Variants in TRMT11 observed in about 807,000 individuals in gnomAD.
TRMT11 encodes tRNA (guanine(10)-N(2))-methyltransferase TRMT11.
In TRMT11, 53 loss-of-function variants were observed where a neutral mutation model predicts 62.8. The observed-to-expected ratio is 0.84, with a 90% CI of 0.68 to 1.06. TRMT11 has a LOEUF of 1.06. Ranked by LOEUF, TRMT11 falls within the 50% of genes least tolerant of loss-of-function variation. The pLI is 0.00. For synonymous variants in TRMT11, 188 were observed against 190.3 expected, an observed-to-expected ratio of 0.99 and a Z score of 0.10; for missense variants, 556 against 553.4, an observed-to-expected ratio of 1.00 and a Z score of -0.05.
chr6:125,997,368 A>G (rs1272445784), intron 3 of TRMT11, among the ~76,000 whole-genome samples: 1 of 152,272 alleles, frequency 6.6e-6, no homozygotes, highest in East Asian at 1.9e-4. Context: ...GAAGGGATTG[A>G]AAGTTAATTT....
chr6:126,050,213 C>G (rs1776174331), intron 16 of TRMT11, among the ~76,000 whole-genome samples: 1 of 151,704 alleles, frequency 6.6e-6, no homozygotes, highest in Non-Finnish European at 1.5e-5. Flanking sequence ...ACCTGTAATC[C>G]CAGCTGCTTG....
intron 21 of TRMT11, among the ~76,000 whole-genome samples, chr6:126,120,392 A>G (rs925312088): frequency 1.2e-4 from 19 of 152,158 alleles, no homozygotes; most frequent in African/African-American, 3.9e-4. Flanking sequence ...ATTCCTTTTC[A>G]TATCTTCTAA....
chr6:126,217,566 T>C, the TRMT11 span, among the ~76,000 whole-genome samples: 1 of 152,192 alleles, frequency 6.6e-6, no homozygotes, highest in Non-Finnish European at 1.5e-5. Context: ...AAACTCTTGT[T>C]CTTTTCTTTC....
At chr6:126,032,137 A>G (rs796921243) in intron 12 of TRMT11, among the ~76,000 whole-genome samples, 7 of 152,256 alleles carry the variant, frequency 4.6e-5, no homozygotes, top group African/African-American at 1.7e-4. Flanking sequence ...TCCCAGGACC[A>G]TGGGGCAGTA....
chr6:126,023,509 A>C (rs1168816286), intron 12 of TRMT11, among the ~76,000 whole-genome samples: 1 of 152,130 alleles, frequency 6.6e-6, no homozygotes. Flanking sequence ...TTACCTGGGC[A>C]TGGTGGCACA....
chr6:126,036,261 A>G (rs1775175259), intron 12 of TRMT11, among the ~76,000 whole-genome samples: 1 of 152,108 alleles, frequency 6.6e-6, no homozygotes, highest in Non-Finnish European at 1.5e-5. Flanking sequence ...TAAGCCCCAG[A>G]TATCAAGGGA....
Position 125,995,970 on chromosome 6 carries a change from C to A in TRMT11, c.142C>A (p.Pro48Thr). The change falls in exon 3 of 13, where the codon CCA becomes ACA. Residue 48 changes from proline to threonine, a missense_variant. Transcript: ENST00000334379. ...TGCATATTGTTATTTCTTTTAGTCA[C>A]CATTTTGGATTCTTAGCATTCCCTC... ...ASSQETYGKSPFWILSIPSED... is the reference protein window; with the variant it reads ...ASSQETYGKSTFWILSIPSED... 7 of 1,601,262 alleles carry A rather than the reference C, an allele frequency of 4.4e-6. No homozygotes were observed. The South Asian group carries it at 6.6e-5, about 15-fold the overall frequency.
chr6:125,987,310 A>G (rs148712385), intron 1 of TRMT11: 1 of 152,372 alleles, frequency 6.6e-6, no homozygotes, highest in African/African-American at 2.4e-5. Context: ...AGAGGAGATG[A>G]CACTTGAAAT....
At chr6:126,066,354 A>G (rs925062108) in intron 17 of TRMT11, among the ~76,000 whole-genome samples, 1 of 152,134 alleles carries the variant, frequency 6.6e-6, no homozygotes, top group African/African-American at 2.4e-5. Flanking sequence ...AACAACAAAT[A>G]CCCATTCCTT....
At chr6:126,258,253 T>C in the TRMT11 span, 1 of 579,798 alleles carries the variant, frequency 1.7e-6, no homozygotes, top group Non-Finnish European at 3.4e-6. Flanking sequence ...GGCCTCCTCC[T>C]GCGGCCCTGG....
intron 17 of TRMT11, among the ~76,000 whole-genome samples, chr6:126,104,933 C>A (rs1379587564): frequency 3.3e-5 from 5 of 152,042 alleles, no homozygotes; most frequent in Non-Finnish European, 7.4e-5. Flanking sequence ...TGTCATACAC[C>A]TTCCTATGCC....
the TRMT11 span, among the ~76,000 whole-genome samples, chr6:126,259,787 A>G: frequency 1.3e-5 from 2 of 152,168 alleles, no homozygotes; most frequent in African/African-American, 4.8e-5. Flanking sequence ...TTGTTATATC[A>G]TCTTGTTGAA....
chr6:126,030,168 T>C (rs1043702912), intron 12 of TRMT11, among the ~76,000 whole-genome samples: 1 of 152,184 alleles, frequency 6.6e-6, no homozygotes, highest in African/African-American at 2.4e-5. Context: ...TTTGACCTGC[T>C]TGTCCTTGGT....
chr6:126,040,769 A>G (rs1775852827), downstream of TRMT11, among the ~76,000 whole-genome samples: 1 of 152,108 alleles, frequency 6.6e-6, no homozygotes, highest in African/African-American at 2.4e-5. Context: ...TGTTTCTGGC[A>G]TATATTAAAT....
At chr6:126,234,337 C>T in the TRMT11 span, among the ~76,000 whole-genome samples, 227 of 152,194 alleles carry the variant, frequency 1.5e-3, 2 homozygotes, top group South Asian at 5.2e-3. Context: ...TAAAAAATTT[C>T]TCACTGCAAG....
chr6:126,076,324 A>G (rs1274867608), intron 17 of TRMT11, among the ~76,000 whole-genome samples: 2 of 152,196 alleles, frequency 1.3e-5, no homozygotes, highest in African/African-American at 2.4e-5. Flanking sequence ...GCGGGGCCAT[A>G]TCTGCCTATG....
intron 21 of TRMT11, among the ~76,000 whole-genome samples, chr6:126,152,585 G>C (rs190931915): frequency 1.3e-5 from 2 of 152,286 alleles, no homozygotes; most frequent in Admixed American, 6.5e-5. Flanking sequence ...TGGGGATTAA[G>C]AGATTACAAC....
chr6:126,181,870 T>C (rs1198708340), intron 1 of TRMT11, among the ~76,000 whole-genome samples: 1 of 152,200 alleles, frequency 6.6e-6, no homozygotes, highest in Non-Finnish European at 1.5e-5. Context: ...TTAATTCTAT[T>C]ATTTTAATGG....
chr6:126,122,903 G>A (rs1471657523), intron 21 of TRMT11, among the ~76,000 whole-genome samples: 1 of 152,090 alleles, frequency 6.6e-6, no homozygotes. Context: ...AATATTGAAG[G>A]AATTTCTGCA....
Sources: allele counts gnomAD v4.1 joint callset (sites outside exome capture counted in the v4.1 genomes callset), GRCh38; gene constraint gnomAD v4.1.1; transcripts MANE v1.5; gene names NCBI Gene and HGNC (gene_info 2026-07-23, HGNC 2026-07-21).